The following TMEM131 variants were observed in gnomAD, a reference collection of about 807,000 sequenced individuals.
The protein encoded by TMEM131 is 2610524E03Rik.
TMEM131 carries 66 observed loss-of-function variants against 211.6 expected under a neutral mutation model. That is an observed-to-expected ratio of 0.31 (90% CI 0.26 to 0.38). The LOEUF (loss-of-function observed/expected upper bound fraction) is 0.38. TMEM131 is among the 10% of genes least tolerant of loss of function. The pLI is 1.00. For missense variants in TMEM131, 2,036 were observed against 2,299.3 expected (o/e 0.89, Z 2.34); for synonymous variants, 844 against 841.3 (o/e 1.00, Z -0.06).
chr2:97,818,890 T>C (rs1414638188), intron 11 of TMEM131, among the ~76,000 whole-genome samples, 169 bp from the exon 12 acceptor site: 3 of 152,192 alleles, frequency 2.0e-5, no homozygotes, highest in African/African-American at 4.8e-5. Context: ...AAACTTCAAA[T>C]TAATTTCATC....
At chr2:97,937,196 C>T (rs1407834759) in intron 1 of TMEM131, among the ~76,000 whole-genome samples, 3 of 151,870 alleles carry the variant, frequency 2.0e-5, no homozygotes, top group African/African-American at 7.3e-5. Flanking sequence ...CAACGCTTCA[C>T]CAAACAGAAA....
intron 5 of TMEM131, among the ~76,000 whole-genome samples, chr2:97,849,055 C>T (rs1261880662): frequency 6.6e-6 from 1 of 152,082 alleles, no homozygotes; most frequent in Non-Finnish European, 1.5e-5. Flanking sequence ...TAAAAAGATG[C>T]TCAAAATCAA....
chr2:97,971,877 A>G (rs77194874), intron 1 of TMEM131, among the ~76,000 whole-genome samples: 2,696 of 152,090 alleles, frequency 0.018, 113 homozygotes, highest in East Asian at 0.15. Context: ...AATAAGCAAA[A>G]TAAAATAAAA....
Position 97,873,917 on chromosome 2 carries a change from A to T in TMEM131, c.359+14135T>A, listed in dbSNP as rs553369246. Reference sequence around the variant, plus strand: ...GGTTTCAGAAGGTGGGTAATAACAAACTCCTCCAAGCTAAAGAAGTATGTT... The same window carrying T: ...GGTTTCAGAAGGTGGGTAATAACAATCTCCTCCAAGCTAAAGAAGTATGTT... On this transcript the variant is annotated intron_variant, in intron 4 of 40. Coordinates refer to ENST00000186436, the MANE Select transcript of TMEM131 (RefSeq NM_015348.2). 3.0e-4 allele frequency among the ~76,000 whole-genome samples: 46 copies of T among 152,258 alleles called. 1 individual carries two copies. The South Asian group carries it at 9.5e-3, about 32-fold the overall frequency.
intron 11 of TMEM131, among the ~76,000 whole-genome samples, chr2:97,825,054 C>A (rs1457757350): frequency 6.6e-6 from 1 of 152,180 alleles, no homozygotes; most frequent in Non-Finnish European, 1.5e-5. Flanking sequence ...CCCCTGCACT[C>A]TGACTCCCAG....
In TMEM131 at chr2:97,772,441, C is replaced by T; in HGVS notation, c.4321-17G>A. On this transcript the variant is annotated splice_polypyrimidine_tract_variant and intron_variant, in intron 32 of 40. Coordinates refer to ENST00000186436, the MANE Select transcript of TMEM131 (RefSeq NM_015348.2). ...TTCTGTATCCTGTAAAAAATGGACA[C>T]TTAATTGCTGAGAAGGATTAATAAA... The T allele has an allele frequency of 6.2e-7, 1 of 1,605,412 alleles. No homozygotes were observed.
intron 2 of TMEM131, among the ~76,000 whole-genome samples, chr2:97,919,116 T>C (rs761124199): frequency 3.2e-4 from 48 of 152,222 alleles, no homozygotes; most frequent in Admixed American, 5.2e-4. Flanking sequence ...CAGGTAGAAG[T>C]TGTCAAGCTT....
chr2:97,760,940 T>G lies in TMEM131; in HGVS notation c.4890-26A>C, dbSNP rs138442030. On this transcript the variant is annotated intron_variant, in intron 36 of 40. Coordinates refer to ENST00000186436, the MANE Select transcript of TMEM131 (RefSeq NM_015348.2). ...CTTGAAAAAGAAGCAAAGAGAGAAC[T>G]CATTCCTCATCAGCAGTGCCCTGTC... is the stretch of plus-strand genomic sequence containing the variant. 389 of 1,613,022 alleles carry G rather than the reference T, an allele frequency of 2.4e-4. 1 individual carries two copies. The African/African-American group carries it at 4.7e-3, about 19-fold the overall frequency.
At chr2:97,794,010 AAAAAAC>A (rs1680637232) in intron 29 of TMEM131, among the ~76,000 whole-genome samples, 2 of 149,762 alleles carry the variant, frequency 1.3e-5, no homozygotes, top group African/African-American at 2.4e-5. Flanking sequence ...AAAAAAAAAA[AAAAAAC>A]AAAAAACCCA....
Position 97,778,326 on chromosome 2 carries a change from G to A in TMEM131, c.4145-2308C>T, listed in dbSNP as rs780128971. ...AGCACTTTGGGAGGCCGAGGAGGGCGGATCACTTGAGGTCAGGAGTTTGAG... is the reference window on the plus strand; with the variant it reads ...AGCACTTTGGGAGGCCGAGGAGGGCAGATCACTTGAGGTCAGGAGTTTGAG... On this transcript the variant is annotated intron_variant, in intron 31 of 40. Transcript: ENST00000186436. Among the ~76,000 whole-genome samples, 29 of 152,264 alleles carry A rather than the reference G, an allele frequency of 1.9e-4. No homozygotes were observed. The Middle Eastern group carries it at 0.01, about 54-fold the overall frequency.
intron 4 of TMEM131, among the ~76,000 whole-genome samples, chr2:97,862,644 G>A (rs1315330475): frequency 6.6e-6 from 1 of 151,926 alleles, no homozygotes; most frequent in Non-Finnish European, 1.5e-5. Flanking sequence ...GCAGAAGAAA[G>A]AATTAGTGAG....
At chr2:97,797,840 G>C (rs1680837369) in intron 25 of TMEM131, among the ~76,000 whole-genome samples, 1 of 152,192 alleles carries the variant, frequency 6.6e-6, no homozygotes, top group African/African-American at 2.4e-5. Context: ...TCCACACACA[G>C]AAAAGGACAC....
At chr2:97,974,848 T>A (rs1679461433) in intron 1 of TMEM131, among the ~76,000 whole-genome samples, 1 of 151,914 alleles carries the variant, frequency 6.6e-6, no homozygotes, top group African/African-American at 2.4e-5. Flanking sequence ...TACAAAAAAA[T>A]CCTTCAGGCA....
rs1181179209 is a variant in TMEM131 at position 97,772,345 on chromosome 2, T to C, written c.4400A>G (p.Lys1467Arg). 1.3e-6 allele frequency: 2 copies of C among 1,599,320 alleles called. No individual in the cohort carries two copies. Among genetic ancestry groups the C allele is most frequent in the Non-Finnish European group, 1.7e-6 (2 of 1,176,674 alleles). The change falls in exon 33 of 41, where the codon AAA becomes AGA. Residue 1467 changes from lysine (K) to arginine (R), a missense_variant. Coordinates refer to ENST00000186436, the MANE Select transcript of TMEM131 (RefSeq NM_015348.2). Reference sequence around the variant, plus strand: ...TTCTTTCTTAATATTTAAGAGTTTTTTGCTTTTTTGCTTCACTTGAGACAT... The same window carrying C: ...TTCTTTCTTAATATTTAAGAGTTTTCTGCTTTTTTGCTTCACTTGAGACAT... Reference protein sequence around the residue: ...SEMSQVKQKSKKLLNIKKEIP... With the variant: ...SEMSQVKQKSRKLLNIKKEIP...
At chr2:97,832,409 T>C (rs145748914) in intron 11 of TMEM131, among the ~76,000 whole-genome samples, 5 of 152,238 alleles carry the variant, frequency 3.3e-5, no homozygotes, top group African/African-American at 1.2e-4. Context: ...AGGTCAGATA[T>C]GAAGACAATG....
Position 97,921,399 on chromosome 2 carries a change from T to C in TMEM131, c.249+6027A>G, listed in dbSNP as rs546966325. On this transcript the variant is annotated intron_variant, in intron 2 of 40. Transcript: ENST00000186436. Reference sequence around the variant, plus strand: ...TGTGAAAGGCAAAACAGTAAAATTCTAGAATACGGGAGAATATCTTCACGA... The same window carrying C: ...TGTGAAAGGCAAAACAGTAAAATTCCAGAATACGGGAGAATATCTTCACGA... 6.3e-4 allele frequency among the ~76,000 whole-genome samples: 96 copies of C among 152,348 alleles called. 1 individual carries two copies. The highest frequency in any genetic ancestry group is 1.0e-3 in the Admixed American group (16 of 15,304).
chr2:97,761,885 C>T lies in TMEM131; in HGVS notation c.4889+150G>A, dbSNP rs1678870927. On this transcript the variant is annotated intron_variant, in intron 36 of 40. Transcript: ENST00000186436. ...ACAGCAGCAGGAAGCGGGGGTGGACCCCAGGTAAAAGGGTCCACACAAGCT... is the reference window on the plus strand; with the variant it reads ...ACAGCAGCAGGAAGCGGGGGTGGACTCCAGGTAAAAGGGTCCACACAAGCT... The T allele has an allele frequency of 4.7e-6, 4 of 851,556 alleles. No homozygotes were observed. The South Asian group carries it at 8.4e-5, about 18-fold the overall frequency. 52.8% of individuals were successfully genotyped at this position (851,556 alleles called of 1,614,324 possible). A position where few individuals can be genotyped will look rare whatever the true frequency, so the allele number is the denominator to read the frequency against.
chr2:97,827,394 C>T (rs1424445346), intron 11 of TMEM131: 10 of 1,007,464 alleles, frequency 9.9e-6, no homozygotes, highest in Admixed American at 5.1e-5. Flanking sequence ...CAGACAAAAA[C>T]GTGCAAACAA....
intron 28 of TMEM131, 79 bp downstream of exon 28, chr2:97,796,139 T>C: frequency 1.2e-6 from 1 of 827,086 alleles, no homozygotes; most frequent in Non-Finnish European, 1.8e-6. Flanking sequence ...TAAAGACCTT[T>C]GGTAAATATG....
Sources: allele counts gnomAD v4.1 joint callset (sites outside exome capture counted in the v4.1 genomes callset), GRCh38; gene constraint gnomAD v4.1.1; transcripts MANE v1.5; gene names NCBI Gene and HGNC (gene_info 2026-07-23, HGNC 2026-07-21).